TUB: variants seen among roughly 807,000 people sequenced by gnomAD.
The protein encoded by TUB is TUB bipartite transcription factor, also known as tubby protein homolog.
A neutral mutation model predicts 59.7 loss-of-function variants in TUB; 33 were observed. The ratio of observed to expected loss-of-function variants is 0.55; its 90% CI spans 0.42 to 0.74. The LOEUF (loss-of-function observed/expected upper bound fraction) is 0.74, where lower values mean the gene tolerates loss of function less well. TUB is among the 30% of genes least tolerant of loss of function. TUB has a pLI of 0.00. For synonymous variants in TUB, 293 were observed against 256.4 expected (o/e 1.14, Z -1.36); for missense variants, 659 against 672.0 (o/e 0.98, Z 0.21).
intron 1 of TUB, among the ~76,000 whole-genome samples, chr11:8,021,723 G>A (rs1826146113): frequency 6.6e-6 from 1 of 151,852 alleles, no homozygotes; most frequent in African/African-American, 2.4e-5. Context: ...AGATCCTCCT[G>A]GCTAACACGG....
intron 3 of TUB, among the ~76,000 whole-genome samples, chr11:8,091,067 G>A (rs1332227107): frequency 6.6e-6 from 1 of 152,004 alleles, no homozygotes; most frequent in Non-Finnish European, 1.5e-5. Flanking sequence ...AGCAGTCGTG[G>A]TGCTCCCCTC....
chr11:8,081,552 C>G lies in TUB; in HGVS notation c.38+4C>G. The G allele has an allele frequency of 4.5e-6, 7 of 1,544,268 alleles. No homozygotes were observed. The highest frequency in any genetic ancestry group is 4.3e-6 in the Non-Finnish European group (5 of 1,150,984). On this transcript the variant is annotated splice_donor_region_variant and intron_variant, in intron 1 of 11. Transcript: ENST00000299506. Reference sequence around the variant, plus strand: ...ATTCCGACTGGATTCCCTACAGGTACGCGGGCGCCGGGCCGGGGCGCCCAC... The same window carrying G: ...ATTCCGACTGGATTCCCTACAGGTAGGCGGGCGCCGGGCCGGGGCGCCCAC...
At chr11:8,064,316 C>T (rs1943193773) in intron 2 of TUB, among the ~76,000 whole-genome samples, 1 of 152,208 alleles carries the variant, frequency 6.6e-6, no homozygotes, top group African/African-American at 2.4e-5. Flanking sequence ...TGCACAGCCT[C>T]TTACCCCAGA....
chr11:8,087,878 G>T (rs1268009708), intron 1 of TUB, among the ~76,000 whole-genome samples: 1 of 152,224 alleles, frequency 6.6e-6, no homozygotes, highest in Non-Finnish European at 1.5e-5. Flanking sequence ...CAGCCTGGGT[G>T]TGTGCCTTCC....
intron 2 of TUB, among the ~76,000 whole-genome samples, chr11:8,042,306 C>A (rs1942764261): frequency 6.6e-6 from 1 of 152,154 alleles, no homozygotes; most frequent in Non-Finnish European, 1.5e-5. Context: ...TTTATCAATA[C>A]TTCATTTCTT....
At chr11:8,043,584 G>T (rs1415235856) in intron 2 of TUB, among the ~76,000 whole-genome samples, 1 of 152,052 alleles carries the variant, frequency 6.6e-6, no homozygotes, top group Non-Finnish European at 1.5e-5. Flanking sequence ...TATTATTTAG[G>T]TCTTCTTTAA....
chr11:8,020,733 G>A (rs1434741211), intron 1 of TUB, among the ~76,000 whole-genome samples: 1 of 152,136 alleles, frequency 6.6e-6, no homozygotes, highest in African/African-American at 2.4e-5. Flanking sequence ...CAGTGCACCT[G>A]CCTTTTTGAA....
intron 2 of TUB, among the ~76,000 whole-genome samples, chr11:8,053,524 A>G (rs1016704783): frequency 6.6e-6 from 1 of 151,774 alleles, no homozygotes; most frequent in Admixed American, 6.6e-5. Context: ...ATTTTGAGAC[A>G]GAGTCTCGCT....
chr11:8,096,888 CTCGT>C, intron 6 of TUB, 82 bp downstream of exon 6: 1 of 1,502,866 alleles, frequency 6.7e-7, no homozygotes, highest in East Asian at 2.3e-5. Context: ...AAGAGATGGA[CTCGT>C]ATGCCTTTAG....
rs1943251227 is a variant in TUB, at chr11:8,066,749, G to T, written c.204-22861G>T. On this transcript the variant is annotated intron_variant, in intron 2 of 12. Transcript: ENST00000305253. ...TCTAGGAGAGGTGTAATAACTGCGG[G>T]TGTTTGACGACTTCAGCACTGGTTA... Among the ~76,000 whole-genome samples the T allele has an allele frequency of 2.0e-5, 3 of 152,172 alleles. No individual in the cohort carries two copies. The South Asian group carries it at 6.2e-4, about 32-fold the overall frequency.
In TUB at chr11:8,105,388, A is replaced by G. The variant is rs1364354423; in HGVS notation, c.*3769A>G. On this transcript the variant is annotated 3_prime_UTR_variant, in exon 12 of 12. Transcript: ENST00000299506. ...CTGTAGGTTTGTAGTAGCCACCGGT[A>G]ATAAGCCAAGGGCTAGGCTCTTGTT... The G allele has an allele frequency of 6.6e-6, 1 of 152,228 alleles. No homozygotes were observed. Among genetic ancestry groups the G allele is most frequent in the African/African-American group, 2.4e-5 (1 of 41,452 alleles). The allele number at this position is 152,228 out of a possible 1,614,324, so 9.4% of individuals were successfully genotyped here.
At chr11:8,063,018 C>T (rs1943164046) in intron 2 of TUB, among the ~76,000 whole-genome samples, 1 of 152,168 alleles carries the variant, frequency 6.6e-6, no homozygotes, top group Non-Finnish European at 1.5e-5. Flanking sequence ...AAGGAAGGCT[C>T]AGGAAGGGGT....
chr11:8,076,678 G>C (rs907692777), upstream of TUB: 12 of 152,214 alleles, frequency 7.9e-5, no homozygotes, highest in Admixed American at 2.6e-4. Flanking sequence ...CTCAACAAAT[G>C]ATAGCTGTGT....
chr11:8,053,841 C>T lies in TUB; in HGVS notation c.203+14149C>T, dbSNP rs72848411. On this transcript the variant is annotated intron_variant, in intron 2 of 12. Transcript: ENST00000305253. ...TAAAAGTTTGAAATACTTGGCCGGG[C>T]GCAGTGGCTCACGCCTGTAATCCCA... 2.0e-3 allele frequency among the ~76,000 whole-genome samples: 290 copies of T among 147,382 alleles called. 1 individual carries two copies. The highest frequency in any genetic ancestry group is 6.8e-3 in the African/African-American group (273 of 40,296).
Position 8,033,092 on chromosome 11 carries a change from G to C in TUB, c.56+13734G>C, listed in dbSNP as rs1475916507. Among the ~76,000 whole-genome samples the C allele has an allele frequency of 4.6e-5, 7 of 152,286 alleles. No individual in the cohort carries two copies. In the South Asian group the frequency reaches 1.0e-3, roughly 23 times the overall value. ...ATTAGAGGGTGCCAATATGATCTGG[G>C]GGGGAACCTGGGAGACAGGGAGCTC... is the stretch of plus-strand genomic sequence containing the variant. On this transcript the variant is annotated intron_variant, in intron 1 of 11. Coordinates refer to the TUB transcript ENST00000534099.
intron 2 of TUB, among the ~76,000 whole-genome samples, chr11:8,049,727 T>C: frequency 6.6e-6 from 1 of 152,018 alleles, no homozygotes; most frequent in South Asian, 2.1e-4. Context: ...TGTAGTAAAT[T>C]TGGAATACAT....
chr11:8,086,825 A>G (rs924421189), intron 1 of TUB, among the ~76,000 whole-genome samples: 5 of 151,978 alleles, frequency 3.3e-5, no homozygotes, highest in African/African-American at 9.7e-5. Context: ...CTCTCTAGGT[A>G]CTTTGGGGAT....
chr11:8,049,561 G>GTATATATATATATA (rs372881525), intron 2 of TUB, among the ~76,000 whole-genome samples: 3,145 of 122,544 alleles, frequency 0.026, 34 homozygotes, highest in Non-Finnish European at 0.031. Flanking sequence ...GTATTATGTG[G>GTATATATATATATA]TATATATATA....
At chr11:8,056,369 T>G (rs1943021789) in intron 2 of TUB, among the ~76,000 whole-genome samples, 1 of 151,902 alleles carries the variant, frequency 6.6e-6, no homozygotes, top group Non-Finnish European at 1.5e-5. Context: ...TGCCTGTGCG[T>G]GGGGGTGGCA....
Sources: gnomAD v4.1 joint callset for allele counts (sites outside exome capture counted in the v4.1 genomes callset) on GRCh38, gnomAD v4.1.1 for gene constraint, MANE v1.5 for transcripts, NCBI Gene and HGNC (gene_info 2026-07-23, HGNC 2026-07-21) for gene names.